Variants in HOTAIR observed in about 807,000 individuals in gnomAD.
HOTAIR encodes the protein HOX transcript antisense RNA (non-protein coding).
exon 7 of HOTAIR, chr12:53,962,859 T>C (rs1207744928): frequency 6.6e-6 from 1 of 152,238 alleles, no homozygotes; most frequent in African/African-American, 2.4e-5. Flanking sequence ...CAAAGTCCCG[T>C]TTGCAGCAGG....
chr12:53,964,659 A>G (rs58072355), intron 5 of HOTAIR, among the ~76,000 whole-genome samples: 3,205 of 152,172 alleles, frequency 0.021, 118 homozygotes, highest in African/African-American at 0.073. Context: ...GAGAGAAAGT[A>G]TTTCTCTTTT....
Position 53,973,163 on chromosome 12 carries a change from C to T in HOTAIR, n.59+1735G>A. On this transcript the variant is annotated intron_variant and non_coding_transcript_variant, in intron 1 of 6. Transcript: ENST00000424518. The surrounding 1 kb of genome is among the most constrained non-coding windows in gnomAD (Gnocchi z 4.3). ...AGAGAGACTAAGACGGATAACGCGT[C>T]ATCTCGCCTTCCCAAATTTTCCCCC... 1 of 1,084,354 alleles carries T rather than the reference C, an allele frequency of 9.2e-7. No individual in the cohort carries two copies. The highest frequency in any genetic ancestry group is 1.3e-6 in the Non-Finnish European group (1 of 758,154). The allele number at this position is 1,084,354 out of a possible 1,614,324, so 67.2% of individuals were successfully genotyped here.
chr12:53,964,734 G>A (rs1939019874), intron 5 of HOTAIR, among the ~76,000 whole-genome samples: 1 of 152,188 alleles, frequency 6.6e-6, no homozygotes, highest in Non-Finnish European at 1.5e-5. Context: ...GGATGTAGAG[G>A]AAAAGGAGAC....
chr12:53,967,735 T>C (rs1413623719), intron 2 of HOTAIR, among the ~76,000 whole-genome samples: 1 of 152,212 alleles, frequency 6.6e-6, no homozygotes, highest in Non-Finnish European at 1.5e-5. Flanking sequence ...AGGTGGTTTA[T>C]GAGCTGGACG....
chr12:53,965,422 G>A (rs1468350943), intron 5 of HOTAIR, among the ~76,000 whole-genome samples: 1 of 152,256 alleles, frequency 6.6e-6, no homozygotes, highest in Non-Finnish European at 1.5e-5. Flanking sequence ...GTGGGCACTG[G>A]TCCCAAAGTG....
Position 53,973,513 on chromosome 12 carries a change from C to G in HOTAIR, n.59+1385G>C. 1 of 1,614,054 alleles carries G rather than the reference C, an allele frequency of 6.2e-7. No homozygotes were observed. ...TGGCACCATCGGAACAGCTACTCCT[C>G]CTGCTATGCGGCGGCCGACGAGCTT... On this transcript the variant is annotated intron_variant and non_coding_transcript_variant, in intron 1 of 6. Coordinates refer to ENST00000424518, the Ensembl canonical transcript of HOTAIR. The surrounding 1 kb of genome is among the most constrained non-coding windows in gnomAD (Gnocchi z 4.3).
In HOTAIR at chr12:53,973,075, C is replaced by A. The variant is rs1939175419; in HGVS notation, n.59+1823G>T. The stretch of plus-strand genomic sequence containing the variant: ...CTTACCTAAGAGAGAACCCCTCCTA[C>A]GTCTGCGAAGTGCTCCGAACTGATA... On this transcript the variant is annotated intron_variant and non_coding_transcript_variant, in intron 1 of 6. Coordinates refer to ENST00000424518, the Ensembl canonical transcript of HOTAIR. This position sits in a 1 kb window ranked among gnomAD's most constrained non-coding sequence, Gnocchi z 4.3. 5.3e-6 allele frequency: 3 copies of A among 564,022 alleles called. No homozygotes were observed. The highest frequency in any genetic ancestry group is 9.2e-6 in the Non-Finnish European group (3 of 325,896). 34.9% of individuals were successfully genotyped at this position (564,022 alleles called of 1,614,324 possible).
rs757677486 is a variant in HOTAIR at position 53,973,825 on chromosome 12, C to A, written n.59+1073G>T. 98 of 1,499,396 alleles carry A rather than the reference C, an allele frequency of 6.5e-5. No individual in the cohort carries two copies. Among genetic ancestry groups the A allele is most frequent in the Non-Finnish European group, 4.4e-5 (49 of 1,125,786 alleles). The allele number at this position is 1,499,396 out of a possible 1,614,324, so 92.9% of individuals were successfully genotyped here. ...TCGGGACTGGCGTCCCGGGCTGAGGCGGGTGCCGAGGCGGAGGCTGAGGAG... is the reference window on the plus strand; with the variant it reads ...TCGGGACTGGCGTCCCGGGCTGAGGAGGGTGCCGAGGCGGAGGCTGAGGAG... On this transcript the variant is annotated intron_variant and non_coding_transcript_variant, in intron 1 of 6. Transcript: ENST00000424518. This position sits in a 1 kb window ranked among gnomAD's most constrained non-coding sequence, Gnocchi z 4.3.
At chr12:53,970,824 C>G (rs186839308) in intron 1 of HOTAIR, among the ~76,000 whole-genome samples, 378 of 152,304 alleles carry the variant, frequency 2.5e-3, no homozygotes, top group African/African-American at 8.0e-3. Context: ...AGCCCCTACC[C>G]CCATCTCAGT....
At position 53,973,427 on chromosome 12, in the gene HOTAIR, C is replaced by T. The variant is rs752730449; in HGVS notation, n.59+1471G>A. 6 of 1,614,230 alleles carry T rather than the reference C, an allele frequency of 3.7e-6. No homozygotes were observed. Among genetic ancestry groups the T allele is most frequent in the Admixed American group, 1.7e-5 (1 of 60,034 alleles). ...CCCCCTCTCGTCAGATCTCCTATCC[C>T]TACTCGGCCCAAGTGCCCCCGGTCC... On this transcript the variant is annotated intron_variant and non_coding_transcript_variant, in intron 1 of 6. Coordinates refer to ENST00000424518, the Ensembl canonical transcript of HOTAIR. The surrounding 1 kb of genome is among the most constrained non-coding windows in gnomAD (Gnocchi z 4.3).
chr12:53,968,648 C>G (rs73313155), exon 2 of HOTAIR: 2 of 152,360 alleles, frequency 1.3e-5, no homozygotes, highest in Non-Finnish European at 2.9e-5. Flanking sequence ...TGGAAGCTTT[C>G]GGATCAAGCT....
Position 53,973,937 on chromosome 12 carries a change from GC to G in HOTAIR, n.59+960del. On this transcript the variant is annotated intron_variant and non_coding_transcript_variant, in intron 1 of 6. Transcript: ENST00000424518. This position sits in a 1 kb window ranked among gnomAD's most constrained non-coding sequence, Gnocchi z 4.3. ...GAGCCGCCCCCAGTAGGTAGCAGCGGCCGGGGAACGGGCGGGCAGCGAGGGA... is the reference window on the plus strand; with the variant it reads ...GAGCCGCCCCCAGTAGGTAGCAGCGGCGGGGAACGGGCGGGCAGCGAGGGA... 1 of 1,436,296 alleles carries G rather than the reference GC, an allele frequency of 7.0e-7. No individual in the cohort carries two copies. The highest frequency in any genetic ancestry group is 9.1e-7 in the Non-Finnish European group (1 of 1,093,140). The allele number at this position is 1,436,296 out of a possible 1,614,324, so 89.0% of individuals were successfully genotyped here.
At chr12:53,974,724 C>A (rs911026272) in intron 1 of HOTAIR, among the ~76,000 whole-genome samples, 4 of 151,832 alleles carry the variant, frequency 2.6e-5, no homozygotes, top group African/African-American at 7.3e-5. Flanking sequence ...GGCCGGCTTC[C>A]TCCCCGCCTC....
Position 53,973,967 on chromosome 12 carries a change from AGCGAGAGAGGGAGG to A in HOTAIR, n.59+917_59+930del. 7.0e-7 allele frequency: 1 copy of A among 1,418,736 alleles called. No homozygotes were observed. Among genetic ancestry groups the A allele is most frequent in the Non-Finnish European group, 9.2e-7 (1 of 1,081,640 alleles). 87.9% of individuals were successfully genotyped at this position (1,418,736 alleles called of 1,614,324 possible). On this transcript the variant is annotated intron_variant and non_coding_transcript_variant, in intron 1 of 6. Transcript: ENST00000424518. The surrounding 1 kb of genome is among the most constrained non-coding windows in gnomAD (Gnocchi z 4.3). ...GGAACGGGCGGGCAGCGAGGGAGGGAGCGAGAGAGGGAGGGCGAGAGAAGGGGGGAGGCAAGGGG... is the reference window on the plus strand; with the variant it reads ...GGAACGGGCGGGCAGCGAGGGAGGGAGCGAGAGAAGGGGGGAGGCAAGGGG...
At chr12:53,970,862 G>A (rs1221034544) in intron 1 of HOTAIR, among the ~76,000 whole-genome samples, 7 of 152,100 alleles carry the variant, frequency 4.6e-5, no homozygotes, top group Non-Finnish European at 1.0e-4. Context: ...TGCCTTGGGG[G>A]ATTGGGCCCC....
At chr12:53,974,747 G>A (rs1268780089) in intron 1 of HOTAIR, among the ~76,000 whole-genome samples, 1 of 151,858 alleles carries the variant, frequency 6.6e-6, no homozygotes, top group South Asian at 2.1e-4. Context: ...GACTGCTCTC[G>A]CCAGATTTCA....
exon 3 of HOTAIR, chr12:53,967,342 AG>A (rs1373881181): frequency 6.6e-6 from 1 of 152,188 alleles, no homozygotes; most frequent in African/African-American, 2.4e-5. Context: ...CGCCAGGAGC[AG>A]GGGTGTTGGT....
At chr12:53,970,123 C>T (rs569404644) in intron 1 of HOTAIR, among the ~76,000 whole-genome samples, 100 of 152,360 alleles carry the variant, frequency 6.6e-4, no homozygotes, top group Middle Eastern at 6.8e-3. Context: ...TGGCTGATGG[C>T]GCTGACTGAG....
At chr12:53,964,519 C>G (rs1226608075) in intron 5 of HOTAIR, among the ~76,000 whole-genome samples, 1 of 152,166 alleles carries the variant, frequency 6.6e-6, no homozygotes, top group Non-Finnish European at 1.5e-5. Context: ...AATGTAAGAA[C>G]GCAGGACTCT....
Sources: allele counts gnomAD v4.1 joint callset (sites outside exome capture counted in the v4.1 genomes callset), GRCh38; gene constraint gnomAD v4.1.1; non-coding constraint Gnocchi (gnomAD v3.1); transcripts MANE v1.5; gene names NCBI Gene and HGNC (gene_info 2026-07-23, HGNC 2026-07-21).